Variants in TRHDE observed in about 807,000 individuals in gnomAD.
TRHDE encodes thyrotropin releasing hormone degrading enzyme.
TRHDE carries 72 observed loss-of-function variants against 125.7 expected under a neutral mutation model. The observed-to-expected ratio is 0.57, with a 90% CI of 0.47 to 0.70. The LOEUF (loss-of-function observed/expected upper bound fraction) is 0.70. Among genes scored for constraint, TRHDE ranks in the 30% least tolerant of loss-of-function variants. TRHDE has a pLI of 0.00. For synonymous variants in TRHDE, 509 were observed against 509.1 expected (o/e 1.00, Z 0.00); for missense variants, 1,110 against 1,327.1 (o/e 0.84, Z 2.54).
rs778252627 is a variant in TRHDE, at chr12:72,460,395, T to C, written c.1316-9363T>C. On this transcript the variant is annotated intron_variant, in intron 3 of 18. Coordinates refer to ENST00000261180, the MANE Select transcript of TRHDE (RefSeq NM_013381.3). Reference sequence around the variant, plus strand: ...TGTGCACTCATTGTAGCATATGCACTGCATTGTAATTGCCATCATGTGTGT... The same window carrying C: ...TGTGCACTCATTGTAGCATATGCACCGCATTGTAATTGCCATCATGTGTGT... Among the ~76,000 whole-genome samples, 108 of 152,326 alleles carry C rather than the reference T, an allele frequency of 7.1e-4. 2 individuals carry two copies. Among genetic ancestry groups the C allele is most frequent in the Middle Eastern group, 3.4e-3 (1 of 294 alleles).
At chr12:72,238,524 T>C (rs1678872040) in intron 2 of TRHDE, among the ~76,000 whole-genome samples, 1 of 151,016 alleles carries the variant, frequency 6.6e-6, no homozygotes, top group Non-Finnish European at 1.5e-5. Flanking sequence ...GTATTTCTCC[T>C]AATGCTATCC....
intron 2 of TRHDE, among the ~76,000 whole-genome samples, chr12:72,265,031 T>C (rs1879034200): frequency 6.6e-6 from 1 of 151,726 alleles, no homozygotes; most frequent in East Asian, 1.9e-4. Context: ...TTTCTCTTTG[T>C]AGATACAGAC....
chr12:72,536,170 T>C (rs1868847427), intron 6 of TRHDE, among the ~76,000 whole-genome samples: 1 of 152,162 alleles, frequency 6.6e-6, no homozygotes, highest in Non-Finnish European at 1.5e-5. Context: ...AAAGATTATT[T>C]TGTTTTGATG....
chr12:72,097,352 A>T (rs1874949779), intron 1 of TRHDE, among the ~76,000 whole-genome samples: 1 of 150,478 alleles, frequency 6.6e-6, no homozygotes, highest in African/African-American at 2.5e-5. Flanking sequence ...GAAACAGATG[A>T]TGTTTCCTGG....
At chr12:72,348,918 T>C (rs1464583194) in intron 2 of TRHDE, among the ~76,000 whole-genome samples, 1 of 152,098 alleles carries the variant, frequency 6.6e-6, no homozygotes, top group African/African-American at 2.4e-5. Flanking sequence ...AGATTTTTTT[T>C]CCAGTAAGAT....
chr12:72,324,770 A>G (rs531082257), intron 2 of TRHDE, among the ~76,000 whole-genome samples: 89 of 152,300 alleles, frequency 5.8e-4, no homozygotes, highest in Non-Finnish European at 1.1e-3. Flanking sequence ...GAATCTTTGC[A>G]GACCTTCATT....
intron 2 of TRHDE, among the ~76,000 whole-genome samples, chr12:72,247,354 A>G (rs545228183): frequency 1.3e-5 from 2 of 152,284 alleles, no homozygotes; most frequent in African/African-American, 4.8e-5. Flanking sequence ...GGCTGACTGT[A>G]TATGGGAATT....
intron 2 of TRHDE, among the ~76,000 whole-genome samples, chr12:72,312,532 A>G (rs900791997): frequency 6.6e-6 from 1 of 152,242 alleles, no homozygotes; most frequent in African/African-American, 2.4e-5. Context: ...ATAATGCAAC[A>G]AATGATACTT....
chr12:72,489,173 A>G (rs1877544317), intron 5 of TRHDE, among the ~76,000 whole-genome samples: 1 of 151,684 alleles, frequency 6.6e-6, no homozygotes, highest in Non-Finnish European at 1.5e-5. Context: ...AATCAAATAC[A>G]GAATGGAAAA....
chr12:72,495,879 A>G (rs1429438578), intron 5 of TRHDE, among the ~76,000 whole-genome samples: 1 of 152,142 alleles, frequency 6.6e-6, no homozygotes, highest in Non-Finnish European at 1.5e-5. Flanking sequence ...TTCAAATGCA[A>G]TATATTTTTG....
chr12:72,557,995 C>T (rs994985766), intron 7 of TRHDE, among the ~76,000 whole-genome samples: 1 of 151,444 alleles, frequency 6.6e-6, no homozygotes, highest in South Asian at 2.1e-4. Context: ...GCTCTTATTA[C>T]TGCATTTTAA....
chr12:72,237,488 T>C (rs1259773161), intron 2 of TRHDE, among the ~76,000 whole-genome samples: 1 of 152,188 alleles, frequency 6.6e-6, no homozygotes, highest in Non-Finnish European at 1.5e-5. Context: ...TTGCAAAATA[T>C]AATAAAATAT....
At chr12:72,405,299 G>A (rs1873218517) in intron 3 of TRHDE, among the ~76,000 whole-genome samples, 2 of 152,142 alleles carry the variant, frequency 1.3e-5, no homozygotes, top group South Asian at 2.1e-4. Context: ...CTATGAACTT[G>A]TAGAATATTT....
intron 3 of TRHDE, chr12:72,431,599 A>G (rs928380281): frequency 3.3e-5 from 5 of 152,190 alleles, no homozygotes; most frequent in Non-Finnish European, 5.9e-5. Context: ...TCTATGGGGA[A>G]AAAATACCTA....
intron 2 of TRHDE, among the ~76,000 whole-genome samples, chr12:72,348,121 T>C (rs1219964387): frequency 6.6e-6 from 1 of 152,040 alleles, no homozygotes; most frequent in Admixed American, 6.6e-5. Flanking sequence ...TATATATATA[T>C]GTATATACTT....
chr12:72,422,582 C>T (rs567070159), intron 3 of TRHDE, among the ~76,000 whole-genome samples: 18 of 152,190 alleles, frequency 1.2e-4, no homozygotes, highest in Non-Finnish European at 2.1e-4. Flanking sequence ...ATACAGAATG[C>T]TTTCATTTTA....
intron 2 of TRHDE, among the ~76,000 whole-genome samples, chr12:72,131,165 G>T (rs1395840928): frequency 6.9e-6 from 1 of 145,860 alleles, no homozygotes; most frequent in South Asian, 2.2e-4. Context: ...TCCGCCTCCC[G>T]GGTTCACGCC....
chr12:72,205,891 T>C (rs1173083870), intron 2 of TRHDE, among the ~76,000 whole-genome samples: 1 of 152,178 alleles, frequency 6.6e-6, no homozygotes, highest in Non-Finnish European at 1.5e-5. Context: ...TTGGATTTTA[T>C]GGTAGTTCCG....
intron 6 of TRHDE, among the ~76,000 whole-genome samples, chr12:72,505,411 A>G (rs999498673): frequency 6.6e-6 from 1 of 152,192 alleles, no homozygotes; most frequent in African/African-American, 2.4e-5. Context: ...TTTGTTCTAA[A>G]AGCACAAAGG....
Sources: allele counts gnomAD v4.1 joint callset (sites outside exome capture counted in the v4.1 genomes callset), GRCh38; gene constraint gnomAD v4.1.1; transcripts MANE v1.5; gene names NCBI Gene and HGNC (gene_info 2026-07-23, HGNC 2026-07-21).